The following MEGF11 variants were observed in gnomAD, a reference collection of about 807,000 sequenced individuals.
MEGF11 encodes the protein multiple EGF like domains 11.
Under a neutral mutation model 146.6 loss-of-function variants are expected in MEGF11, and 126 were observed. The observed-to-expected ratio is 0.86, with a 90% confidence interval of 0.74 to 1.00. The LOEUF (loss-of-function observed/expected upper bound fraction) is 1.00. Ranked by LOEUF, MEGF11 falls within the 50% of genes least tolerant of loss-of-function variation. MEGF11 has a pLI of 0.00. For missense variants in MEGF11, 1,509 were observed against 1,521.2 expected, an observed-to-expected ratio of 0.99 and a Z score of 0.13; for synonymous variants, 532 against 583.4, an observed-to-expected ratio of 0.91 and a Z score of 1.27.
At chr15:66,175,121 T>C (rs2090358089) in intron 1 of MEGF11, among the ~76,000 whole-genome samples, 1 of 152,360 alleles carries the variant, frequency 6.6e-6, no homozygotes, top group African/African-American at 2.4e-5. Flanking sequence ...TTCTTCTATA[T>C]ATAAGATCAC....
intron 1 of MEGF11, among the ~76,000 whole-genome samples, chr15:66,168,848 C>T (rs147292456): frequency 0.015 from 2,293 of 152,144 alleles, 51 homozygotes; most frequent in African/African-American, 0.05. Flanking sequence ...TTTAGCCGGG[C>T]GTGGTGGCGC....
intron 1 of MEGF11, among the ~76,000 whole-genome samples, chr15:66,209,339 G>A (rs1378980747): frequency 6.6e-6 from 1 of 151,078 alleles, no homozygotes. Flanking sequence ...GACGGAGCAA[G>A]ACTCCATCTT....
intron 10 of MEGF11, among the ~76,000 whole-genome samples, chr15:65,955,695 G>T: frequency 7.9e-6 from 1 of 126,602 alleles, no homozygotes. Context: ...AATGAGCCGA[G>T]ATTGTGCCAC....
At chr15:66,122,841 T>C (rs953712503) in intron 3 of MEGF11, among the ~76,000 whole-genome samples, 4 of 152,300 alleles carry the variant, frequency 2.6e-5, no homozygotes, top group Middle Eastern at 6.8e-3. Context: ...TGCAGTGGCA[T>C]GATCTCGGCT....
rs1042231395 is a variant in MEGF11, at chr15:66,088,430, T to C, written c.394+5972A>G. Among the ~76,000 whole-genome samples the C allele has an allele frequency of 2.6e-5, 4 of 152,302 alleles. No homozygotes were observed. The East Asian group carries it at 7.7e-4, about 29-fold the overall frequency. ...CCAGCACTTTGGGAGGCTGAGTGGATCCCTTCAGGTCAGGAGTTCAAGGTC... is the reference window on the plus strand; with the variant it reads ...CCAGCACTTTGGGAGGCTGAGTGGACCCCTTCAGGTCAGGAGTTCAAGGTC... On this transcript the variant is annotated intron_variant, in intron 5 of 25. Coordinates refer to ENST00000395614, the MANE Select transcript of MEGF11 (RefSeq NM_001385028.1).
chr15:66,209,349 TAA>T (rs751648172), intron 1 of MEGF11, among the ~76,000 whole-genome samples: 3 of 138,526 alleles, frequency 2.2e-5, no homozygotes, highest in African/African-American at 2.7e-5. Flanking sequence ...GACTCCATCT[TAA>T]AAAAAAAAAA....
rs536501328 is a variant in MEGF11 at position 66,029,790 on chromosome 15, C to T, written c.395-47302G>A. Among the ~76,000 whole-genome samples, 23 of 152,308 alleles carry T rather than the reference C, an allele frequency of 1.5e-4. No individual in the cohort carries two copies. In the South Asian group the frequency reaches 2.3e-3, roughly 15 times the overall value. On this transcript the variant is annotated intron_variant, in intron 5 of 25. Transcript: ENST00000395614. Reference sequence around the variant, plus strand: ...TTGCACATTTCTCCACCAACATCAACGCCCCTCCTGGGGCTTCCGGCTTCC... The same window carrying T: ...TTGCACATTTCTCCACCAACATCAATGCCCCTCCTGGGGCTTCCGGCTTCC...
chr15:65,937,788 T>G (rs1466792347), intron 10 of MEGF11, among the ~76,000 whole-genome samples: 1 of 152,216 alleles, frequency 6.6e-6, no homozygotes, highest in Non-Finnish European at 1.5e-5. Context: ...TCACATAGAG[T>G]TAATTTAATT....
chr15:66,146,343 C>T (rs930475110), intron 1 of MEGF11, among the ~76,000 whole-genome samples: 1 of 152,168 alleles, frequency 6.6e-6, no homozygotes, highest in African/African-American at 2.4e-5. Context: ...CTCTCTCTCC[C>T]GAGACCTCAC....
At chr15:66,136,163 G>C (rs930312235) in intron 1 of MEGF11, among the ~76,000 whole-genome samples, 1 of 152,208 alleles carries the variant, frequency 6.6e-6, no homozygotes, top group Admixed American at 6.5e-5. Context: ...AATAGGAAGG[G>C]TGAGAGAACA....
intron 1 of MEGF11, among the ~76,000 whole-genome samples, chr15:66,158,705 A>T (rs569684452): frequency 7.9e-5 from 12 of 152,252 alleles, no homozygotes; most frequent in Non-Finnish European, 1.6e-4. Flanking sequence ...CTAGGGAAGC[A>T]TAGGCTTCAA....
In MEGF11 at chr15:65,930,849, A is replaced by G. The variant is rs745858636; in HGVS notation, c.1382T>C (p.Val461Ala). 6 of 1,611,012 alleles carry G rather than the reference A, an allele frequency of 3.7e-6. No individual in the cohort carries two copies. Among genetic ancestry groups the G allele is most frequent in the Non-Finnish European group, 3.4e-6 (4 of 1,178,568 alleles). ...TTCCTTGCAGGTACAGGAGCCATCT[A>G]CTGGGGAGCAGGTGCCACCATTGTT... ...SCNNGGTCSP[V>A]DGSCTCKEGW... The change falls in exon 11 of 26, where the codon GTA becomes GCA. Residue 461 changes from valine to alanine, a missense_variant. Val to Ala is a moderately conservative substitution (Grantham distance 64, BLOSUM62 0). Transcript: ENST00000395614.
rs558173645 is a variant in MEGF11, at chr15:65,948,958, C to A, written c.1287+8589G>T. ...TTCCCGGTGCTGCATTCAGGAAAAT[C>A]TTTTACTACAGTAATTGGGAAATGA... On this transcript the variant is annotated intron_variant, in intron 10 of 25. Transcript: ENST00000395614. Among the ~76,000 whole-genome samples the A allele has an allele frequency of 1.4e-3, 206 of 152,278 alleles. 2 individuals carry two copies. Among genetic ancestry groups the A allele is most frequent in the African/African-American group, 4.9e-3 (202 of 41,546 alleles).
chr15:66,203,850 T>C (rs571544569), intron 1 of MEGF11, among the ~76,000 whole-genome samples: 2 of 152,356 alleles, frequency 1.3e-5, no homozygotes, highest in Admixed American at 1.3e-4. Flanking sequence ...TCAGTTGCAA[T>C]AATGTTCTTG....
chr15:66,106,674 GC>G lies in MEGF11; in HGVS notation c.302-12181del, dbSNP rs536454204. Among the ~76,000 whole-genome samples the G allele has an allele frequency of 2.0e-3, 302 of 152,180 alleles. 2 individuals are homozygous for G. The highest frequency in any genetic ancestry group is 3.3e-3 in the Non-Finnish European group (221 of 67,996). On this transcript the variant is annotated intron_variant, in intron 4 of 25. Coordinates refer to ENST00000395614, the MANE Select transcript of MEGF11 (RefSeq NM_001385028.1). ...ACCTTGATATCAGCTGGTATAACAC[GC>G]CTGCACAGACATCCCTCACGTGGAT...
At chr15:66,076,829 G>T (rs2085609841) in intron 5 of MEGF11, among the ~76,000 whole-genome samples, 1 of 152,120 alleles carries the variant, frequency 6.6e-6, no homozygotes, top group African/African-American at 2.4e-5. Context: ...TCCTTCCAAC[G>T]CCAAGGTAGC....
intron 5 of MEGF11, among the ~76,000 whole-genome samples, chr15:66,035,856 A>AAT (rs1198253400): frequency 6.6e-6 from 1 of 152,180 alleles, no homozygotes; most frequent in Non-Finnish European, 1.5e-5. Flanking sequence ...ATCCACTATC[A>AAT]ATATATATTA....
chr15:66,246,642 CAA>C (rs57461790), intron 1 of MEGF11, among the ~76,000 whole-genome samples: 1 of 144,736 alleles, frequency 6.9e-6, no homozygotes, highest in Admixed American at 7.0e-5. Context: ...CCATCTCCAC[CAA>C]AAAAAAAAAT....
intron 1 of MEGF11, among the ~76,000 whole-genome samples, chr15:66,217,647 G>A (rs78299215): frequency 8.5e-4 from 130 of 152,368 alleles, no homozygotes; most frequent in African/African-American, 2.9e-3. Context: ...ATGGAGACAA[G>A]CCTGATGTTG....
Sources: gnomAD v4.1 joint callset for allele counts (sites outside exome capture counted in the v4.1 genomes callset) on GRCh38, gnomAD v4.1.1 for gene constraint, MANE v1.5 for transcripts, NCBI Gene and HGNC (gene_info 2026-07-23, HGNC 2026-07-21) for gene names.